AFAP1L2: variants seen among roughly 807,000 people sequenced by gnomAD.
AFAP1L2 encodes actin filament-associated protein 1-like 2.
In AFAP1L2, 46 loss-of-function variants were observed where a neutral mutation model predicts 99.3. The ratio of observed to expected loss-of-function variants is 0.46; its 90% CI spans 0.37 to 0.59. The LOEUF is 0.59. Ranked by LOEUF, AFAP1L2 falls within the 20% of genes least tolerant of loss-of-function variation. The pLI is 0.00. For synonymous variants in AFAP1L2, 397 were observed against 419.1 expected (o/e 0.95, Z 0.64); for missense variants, 959 against 1,034.9 (o/e 0.93, Z 1.01).
At chr10:114,290,367 T>A (rs1359580096), downstream of AFAP1L2, 11 of 1,550,300 alleles carry the variant, frequency 7.1e-6, no homozygotes, top group Non-Finnish European at 9.6e-6. Context: ...GCGAGAACCG[T>A]GAGTGGAGCT....
chr10:114,306,472 C>T (rs913970107), intron 10 of AFAP1L2, among the ~76,000 whole-genome samples: 1 of 150,568 alleles, frequency 6.6e-6, no homozygotes, highest in Non-Finnish European at 1.5e-5. Flanking sequence ...GACACCTTCC[C>T]TGTCCTAAGG....
chr10:114,382,415 T>G (rs2055769590), intron 1 of AFAP1L2, among the ~76,000 whole-genome samples: 2 of 151,994 alleles, frequency 1.3e-5, no homozygotes, highest in Admixed American at 1.3e-4. Flanking sequence ...GTTGATCACA[T>G]GGACATAGAG....
At chr10:114,368,940 T>C (rs1329324764) in intron 1 of AFAP1L2, among the ~76,000 whole-genome samples, 1 of 152,088 alleles carries the variant, frequency 6.6e-6, no homozygotes, top group African/African-American at 2.4e-5. Context: ...ATTTGTCAAT[T>C]ATGTCTCAAT....
Position 114,302,415 on chromosome 10 carries a change from G to A in AFAP1L2, c.1354C>T (p.Pro452Ser). 1.9e-6 allele frequency: 3 copies of A among 1,614,086 alleles called. No individual in the cohort carries two copies. Among genetic ancestry groups the A allele is most frequent in the South Asian group, 2.2e-5 (2 of 91,084 alleles). ...LLSESGSKTD[P>S]EEFTYDYVDA... ...ACATAGTCGTAGGTGAACTCTTCTG[G>A]GTCTGTCTTGGAGCCTGACTCAGAG... The change falls in exon 12 of 19, where the codon CCA becomes TCA. Residue 452 changes from proline to serine, a missense_variant. Physicochemically the swap from Pro to Ser is moderately conservative, Grantham distance 74. This residue lies in a region of AFAP1L2 where 576 missense variants were observed against 562.1 expected (regional missense o/e 1.02). Coordinates refer to ENST00000304129, the MANE Select transcript of AFAP1L2 (RefSeq NM_001001936.3).
chr10:114,306,085 A>G (rs1200255064), intron 10 of AFAP1L2, among the ~76,000 whole-genome samples: 19 of 46,744 alleles, frequency 4.1e-4, no homozygotes, highest in Admixed American at 6.9e-4. Context: ...GGGGCTGCAG[A>G]AGGAGATGCA....
chr10:114,340,913 GC>G, intron 1 of AFAP1L2, 182 bp from the exon 2 acceptor site: 1 of 754,662 alleles, frequency 1.3e-6, no homozygotes, highest in Non-Finnish European at 2.2e-6. Flanking sequence ...CAGCTCCAGG[GC>G]CACAGGGAGA....
chr10:114,321,591 C>A (rs1564861006), intron 5 of AFAP1L2, among the ~76,000 whole-genome samples: 1 of 152,166 alleles, frequency 6.6e-6, no homozygotes, highest in Non-Finnish European at 1.5e-5. Flanking sequence ...AGTTCATTCC[C>A]AGCCCCAGGG....
chr10:114,301,713 G>C (rs370959513), intron 12 of AFAP1L2: 1 of 523,418 alleles, frequency 1.9e-6, no homozygotes, highest in Non-Finnish European at 3.4e-6. Flanking sequence ...CATACGCCTC[G>C]TCCTAGGATC....
rs918701247 is a variant in AFAP1L2 at position 114,314,023 on chromosome 10, G to A, written c.640C>T (p.Pro214Ser). ...CCCAGTAGGTTCACGTCCAGCTGAG[G>A]GCTGTGGTCCTTGGAGGATTTGTAG... The part of the protein sequence containing the change: ...LCYKSSKDHS[P>S]QLDVNLLGSS... The change falls in exon 7 of 19, where the codon CCT becomes TCT. Residue 214 changes from proline to serine, a missense_variant. By Grantham distance (74) the Pro-to-Ser change is moderately conservative. This residue lies in a region of AFAP1L2 where 383 missense variants were observed against 472.8 expected (regional missense o/e 0.81). Coordinates refer to ENST00000304129, the MANE Select transcript of AFAP1L2 (RefSeq NM_001001936.3). The A allele has an allele frequency of 1.9e-6, 3 of 1,613,098 alleles. No individual in the cohort carries two copies. Among genetic ancestry groups the A allele is most frequent in the Non-Finnish European group, 2.5e-6 (3 of 1,179,342 alleles).
Position 114,308,416 on chromosome 10 carries a change from C to A in AFAP1L2, c.967+17G>T. Reference sequence around the variant, plus strand: ...ACAGCCTGGGACACCATTCCCCTCCCAACCACATGATGTTACCGTCTTTGG... The same window carrying A: ...ACAGCCTGGGACACCATTCCCCTCCAAACCACATGATGTTACCGTCTTTGG... On this transcript the variant is annotated intron_variant, in intron 9 of 18. Coordinates refer to ENST00000304129, the MANE Select transcript of AFAP1L2 (RefSeq NM_001001936.3). 1 of 1,609,948 alleles carries A rather than the reference C, an allele frequency of 6.2e-7. No individual in the cohort carries two copies. The highest frequency in any genetic ancestry group is 8.5e-7 in the Non-Finnish European group (1 of 1,176,282).
intron 1 of AFAP1L2, among the ~76,000 whole-genome samples, chr10:114,374,436 C>T (rs1302153091): frequency 6.6e-6 from 1 of 152,164 alleles, no homozygotes; most frequent in African/African-American, 2.4e-5. Flanking sequence ...GCCGCAGATG[C>T]GATCCTGCCC....
At chr10:114,333,875 T>G (rs1010690709) in intron 2 of AFAP1L2, among the ~76,000 whole-genome samples, 1 of 152,176 alleles carries the variant, frequency 6.6e-6, no homozygotes, top group African/African-American at 2.4e-5. Context: ...TTCCACCAAG[T>G]AGAGATGTCT....
chr10:114,350,317 T>C (rs1215402744), intron 1 of AFAP1L2, among the ~76,000 whole-genome samples: 1 of 152,234 alleles, frequency 6.6e-6, no homozygotes, highest in East Asian at 1.9e-4. Context: ...ACTTGACGAT[T>C]CAGCCGTCTT....
In AFAP1L2 at chr10:114,330,376, G is replaced by C. The variant is rs144412636; in HGVS notation, c.315+1427C>G. ...ACCCACATAAACCCTCCTAAGCTGA[G>C]ACCCCAGTCCTGCCCCAGGATCCCT... On this transcript the variant is annotated intron_variant, in intron 4 of 18. Transcript: ENST00000304129. Among the ~76,000 whole-genome samples the C allele has an allele frequency of 3.5e-3, 528 of 152,282 alleles. 4 individuals are homozygous for C. The highest frequency in any genetic ancestry group is 0.012 in the African/African-American group (496 of 41,552).
At position 114,295,849 on chromosome 10, in the gene AFAP1L2, T is replaced by TTTGTTGTATTATTTCC. The variant is rs2040126683; in HGVS notation, c.*177_*192dup. The stretch of plus-strand genomic sequence containing the variant: ...CTTAGGTCTCCAAAGAAGCCTCCTT[T>TTTGTTGTATTATTTCC]TTGTTGTATTATTTCCTTTGGCTCT... On this transcript the variant is annotated 3_prime_UTR_variant, in exon 19 of 19. Transcript: ENST00000304129. 7.1e-7 allele frequency: 1 copy of TTTGTTGTATTATTTCC among 1,418,346 alleles called. No homozygotes were observed. The allele number at this position is 1,418,346 out of a possible 1,614,324, so 87.9% of individuals were successfully genotyped here. A position where few individuals can be genotyped will look rare whatever the true frequency, so the allele number is the denominator to read the frequency against.
At chr10:114,341,106 G>C (rs2048760762) in intron 1 of AFAP1L2, among the ~76,000 whole-genome samples, 1 of 152,246 alleles carries the variant, frequency 6.6e-6, no homozygotes, top group Non-Finnish European at 1.5e-5. Flanking sequence ...TTTGAGAGCT[G>C]TTGAGCTCTG....
chr10:114,388,358 G>A (rs959248807), intron 1 of AFAP1L2, among the ~76,000 whole-genome samples: 1 of 151,964 alleles, frequency 6.6e-6, no homozygotes, highest in Non-Finnish European at 1.5e-5. Context: ...CCCCACAGCA[G>A]GCTCTTCCTC....
chr10:114,324,783 G>A (rs1000569090), intron 4 of AFAP1L2, among the ~76,000 whole-genome samples: 1 of 152,222 alleles, frequency 6.6e-6, no homozygotes, highest in Admixed American at 6.5e-5. Flanking sequence ...GCCAATGGAA[G>A]GACGCTGCAG....
At chr10:114,305,477 A>G (rs1185033425) in intron 10 of AFAP1L2, among the ~76,000 whole-genome samples, 39 of 93,220 alleles carry the variant, frequency 4.2e-4, no homozygotes, top group African/African-American at 7.3e-4. Flanking sequence ...GGGGACGCAG[A>G]TGCAGGAGGG....
Sources: gnomAD v4.1 joint callset for allele counts (sites outside exome capture counted in the v4.1 genomes callset) on GRCh38, gnomAD v4.1.1 for gene constraint, gnomAD v4.1.1 regional missense constraint, MANE v1.5 for transcripts, NCBI Gene and HGNC (gene_info 2026-07-23, HGNC 2026-07-21) for gene names.